Variants in KCND3 observed in about 807,000 individuals in gnomAD.
The protein encoded by KCND3 is potassium voltage-gated channel subfamily D member 3.
A neutral mutation model predicts 51.1 loss-of-function variants in KCND3; 9 were observed. That is an observed-to-expected ratio of 0.18 (90% CI 0.11 to 0.31). KCND3 has a LOEUF of 0.31. KCND3 is among the 10% of genes least tolerant of loss of function. The pLI, the probability that KCND3 is intolerant of heterozygous loss-of-function variation, is 1.00. For missense variants in KCND3, 526 were observed against 903.8 expected (o/e 0.58, Z 5.36); for synonymous variants, 349 against 368.0 (o/e 0.95, Z 0.59).
chr1:111,926,033 T>G (rs543864229), intron 2 of KCND3, among the ~76,000 whole-genome samples: 1 of 152,364 alleles, frequency 6.6e-6, no homozygotes, highest in South Asian at 2.1e-4. Context: ...TATTGTGCAG[T>G]TCAGAAACAA....
At chr1:111,789,834 A>T (rs1664756373) in intron 2 of KCND3, among the ~76,000 whole-genome samples, 1 of 152,216 alleles carries the variant, frequency 6.6e-6, no homozygotes, top group African/African-American at 2.4e-5. Flanking sequence ...CTATTGCATC[A>T]TGATTTTAAC....
At chr1:111,837,339 G>A (rs1417450161) in intron 2 of KCND3, among the ~76,000 whole-genome samples, 1 of 152,128 alleles carries the variant, frequency 6.6e-6, no homozygotes, top group East Asian at 1.9e-4. Flanking sequence ...ATATCCTTCT[G>A]ATATGAGGCC....
intron 2 of KCND3, among the ~76,000 whole-genome samples, chr1:111,805,899 G>T (rs902458098): frequency 6.6e-6 from 1 of 152,212 alleles, no homozygotes; most frequent in African/African-American, 2.4e-5. Context: ...GCAGCTGCTG[G>T]GTTACTTTCT....
At chr1:111,830,493 C>T (rs1245904316) in intron 2 of KCND3, among the ~76,000 whole-genome samples, 3 of 152,174 alleles carry the variant, frequency 2.0e-5, no homozygotes, top group Non-Finnish European at 2.9e-5. Context: ...AAGGCAGGGC[C>T]CTTGAGTGCA....
At chr1:111,889,091 G>A (rs1669706365) in intron 2 of KCND3, among the ~76,000 whole-genome samples, 2 of 152,302 alleles carry the variant, frequency 1.3e-5, no homozygotes, top group South Asian at 4.2e-4. Context: ...GTTCGTTTGG[G>A]TAAATGGAGG....
At chr1:111,918,854 A>T (rs1446071108) in intron 2 of KCND3, among the ~76,000 whole-genome samples, 3 of 152,124 alleles carry the variant, frequency 2.0e-5, no homozygotes, top group African/African-American at 7.2e-5. Flanking sequence ...TGCATGGGTT[A>T]TACCCTCAAG....
intron 2 of KCND3, among the ~76,000 whole-genome samples, chr1:111,858,848 A>C (rs770303230): frequency 6.6e-6 from 1 of 152,180 alleles, no homozygotes; most frequent in Non-Finnish European, 1.5e-5. Context: ...CCCTGCCCCC[A>C]GGCTGGTCCT....
intron 2 of KCND3, among the ~76,000 whole-genome samples, chr1:111,972,321 C>T (rs1362316178): frequency 1.3e-5 from 2 of 151,224 alleles, no homozygotes; most frequent in African/African-American, 4.9e-5. Context: ...TACAGGCGCC[C>T]GCCACTACGC....
At chr1:111,867,994 T>C (rs1668653727) in intron 2 of KCND3, among the ~76,000 whole-genome samples, 1 of 152,148 alleles carries the variant, frequency 6.6e-6, no homozygotes, top group African/African-American at 2.4e-5. Context: ...TCTACCTCAT[T>C]AGGCTGTTAG....
chr1:111,988,045 T>C (rs1366250737), intron 1 of KCND3, among the ~76,000 whole-genome samples: 1 of 152,232 alleles, frequency 6.6e-6, no homozygotes, highest in Non-Finnish European at 1.5e-5. Context: ...GTTTGACACC[T>C]AGCTGAGTAC....
At chr1:111,919,534 A>T (rs1209186957) in intron 2 of KCND3, among the ~76,000 whole-genome samples, 1 of 152,128 alleles carries the variant, frequency 6.6e-6, no homozygotes, top group Non-Finnish European at 1.5e-5. Flanking sequence ...GCAAGGGGGC[A>T]TGGTATGAGA....
intron 2 of KCND3, among the ~76,000 whole-genome samples, chr1:111,947,311 C>T (rs1672824188): frequency 6.6e-6 from 1 of 152,160 alleles, no homozygotes; most frequent in Non-Finnish European, 1.5e-5. Flanking sequence ...AGGCACCATT[C>T]CAGGTGCTAG....
intron 2 of KCND3, among the ~76,000 whole-genome samples, chr1:111,960,834 C>A (rs916347061): frequency 6.6e-6 from 1 of 152,212 alleles, no homozygotes; most frequent in African/African-American, 2.4e-5. Flanking sequence ...TTCCCACCAG[C>A]CCTCATGGTT....
Position 111,927,145 on chromosome 1 carries a change from C to T in KCND3, c.1106+54476G>A, listed in dbSNP as rs80051707. Among the ~76,000 whole-genome samples the T allele has an allele frequency of 5.9e-5, 9 of 152,330 alleles. No homozygotes were observed. The East Asian group carries it at 1.5e-3, about 26-fold the overall frequency. On this transcript the variant is annotated intron_variant, in intron 2 of 7. Transcript: ENST00000302127. The stretch of plus-strand genomic sequence containing the variant: ...GAGGCCCAGAGACATTAAATATGGG[C>T]CCTGAGTCACACAGCTGGGAATGTC...
intron 2 of KCND3, among the ~76,000 whole-genome samples, chr1:111,945,806 G>A (rs1424631157): frequency 6.6e-6 from 1 of 152,196 alleles, no homozygotes; most frequent in South Asian, 2.1e-4. Flanking sequence ...TTTGGTGTCT[G>A]ATGCCCACAC....
chr1:111,851,767 G>A (rs1173655705), intron 2 of KCND3, among the ~76,000 whole-genome samples: 2 of 152,232 alleles, frequency 1.3e-5, no homozygotes, highest in African/African-American at 4.8e-5. Flanking sequence ...GTGCCTGTGT[G>A]TGGGGTGAAT....
intron 1 of KCND3, among the ~76,000 whole-genome samples, chr1:111,983,499 C>T (rs1466727275): frequency 6.6e-6 from 1 of 152,190 alleles, no homozygotes; most frequent in African/African-American, 2.4e-5. Flanking sequence ...CTCAGACCCT[C>T]AGAGCCATGA....
At chr1:111,980,128 T>C (rs932441475) in intron 2 of KCND3, among the ~76,000 whole-genome samples, 3 of 152,048 alleles carry the variant, frequency 2.0e-5, no homozygotes, top group African/African-American at 7.2e-5. Context: ...AGCCCACATC[T>C]GCCACCTGAG....
At chr1:111,859,865 A>T (rs1472005951) in intron 2 of KCND3, among the ~76,000 whole-genome samples, 1 of 152,226 alleles carries the variant, frequency 6.6e-6, no homozygotes, top group Non-Finnish European at 1.5e-5. Context: ...GGTGGGTAGT[A>T]TTTGATGAGA....
Sources: allele counts gnomAD v4.1 joint callset (sites outside exome capture counted in the v4.1 genomes callset), GRCh38; gene constraint gnomAD v4.1.1; transcripts MANE v1.5; gene names NCBI Gene and HGNC (gene_info 2026-07-23, HGNC 2026-07-21).